Variants in CSMD3 observed in about 807,000 individuals in gnomAD.
The protein encoded by CSMD3 is CUB and sushi domain-containing protein 3.
Under a neutral mutation model 435.2 loss-of-function variants are expected in CSMD3, and 177 were observed. The observed-to-expected ratio is 0.41, with a 90% confidence interval of 0.36 to 0.46. The LOEUF (loss-of-function observed/expected upper bound fraction) is 0.46, where lower values mean the gene tolerates loss of function less well. Among genes scored for constraint, CSMD3 ranks in the 20% least tolerant of loss-of-function variants. CSMD3 has a pLI of 0.34. For missense variants in CSMD3, 4,265 were observed against 4,504.6 expected (o/e 0.95, Z 1.52); for synonymous variants, 1,656 against 1,520.5 (o/e 1.09, Z -2.07).
intron 1 of CSMD3, among the ~76,000 whole-genome samples, chr8:113,359,703 A>C (rs914701619): frequency 1.3e-5 from 2 of 152,222 alleles, no homozygotes; most frequent in Non-Finnish European, 2.9e-5. Flanking sequence ...GGTTGTTGCA[A>C]GCAATTATTT....
intron 27 of CSMD3, among the ~76,000 whole-genome samples, chr8:112,546,912 C>T (rs935503396): frequency 1.3e-5 from 2 of 152,174 alleles, no homozygotes; most frequent in African/African-American, 4.8e-5. Context: ...CTGTGGCCTA[C>T]ATTTCTGTTA....
At chr8:113,281,167 A>G (rs1403770095) in intron 2 of CSMD3, among the ~76,000 whole-genome samples, 1 of 151,850 alleles carries the variant, frequency 6.6e-6, no homozygotes, top group Non-Finnish European at 1.5e-5. Flanking sequence ...AATGTGCTGT[A>G]TATCTATCTG....
chr8:112,289,172 C>A (rs1292000053), intron 57 of CSMD3, among the ~76,000 whole-genome samples, 193 bp downstream of exon 57: 1 of 152,070 alleles, frequency 6.6e-6, no homozygotes, highest in Non-Finnish European at 1.5e-5. Flanking sequence ...TCATCTACAA[C>A]ATCAGTACCC....
Position 112,656,355 on chromosome 8 carries a change from A to G in CSMD3, c.2817-14T>C. 1 of 1,590,212 alleles carries G rather than the reference A, an allele frequency of 6.3e-7. No homozygotes were observed. Among genetic ancestry groups the G allele is most frequent in the Middle Eastern group, 1.7e-4 (1 of 6,002 alleles). On this transcript the variant is annotated splice_polypyrimidine_tract_variant and intron_variant, in intron 17 of 70. Transcript: ENST00000297405. ...TCAGTCTGAAATCTAAGATTAAAAG[A>G]CACATGTGAAAATATATTTAGAATT...
chr8:112,234,174 A>G (rs1237553794), intron 68 of CSMD3, among the ~76,000 whole-genome samples, 191 bp downstream of exon 68: 1 of 151,612 alleles, frequency 6.6e-6, no homozygotes, highest in Non-Finnish European at 1.5e-5. Flanking sequence ...ACACACGACA[A>G]AAGTAAGCAA....
At position 113,008,831 on chromosome 8, in the gene CSMD3, CTATT is replaced by C. The variant is rs1418736909; in HGVS notation, c.1030+10232_1030+10235del. Among the ~76,000 whole-genome samples the C allele has an allele frequency of 6.0e-5, 9 of 150,938 alleles. No individual in the cohort carries two copies. In the Admixed American group the frequency reaches 6.0e-4, roughly 10 times the overall value. On this transcript the variant is annotated intron_variant, in intron 6 of 70. Coordinates refer to ENST00000297405, the MANE Select transcript of CSMD3 (RefSeq NM_198123.2). ...GAAGTAAATCATAATTGCTAACAAC[CTATT>C]TATTATATTAATTATAAGTTTTCTT...
At chr8:112,822,427 G>A (rs1291050315) in intron 12 of CSMD3, among the ~76,000 whole-genome samples, 2 of 152,050 alleles carry the variant, frequency 1.3e-5, no homozygotes, top group Admixed American at 6.6e-5. Flanking sequence ...GTAAACTGGA[G>A]TTCACTCATC....
chr8:112,652,214 G>A (rs2075145018), intron 18 of CSMD3, among the ~76,000 whole-genome samples: 1 of 152,054 alleles, frequency 6.6e-6, no homozygotes, highest in African/African-American at 2.4e-5. Flanking sequence ...ATATCAATCA[G>A]ATAAGTCTCC....
chr8:112,346,284 A>T, intron 40 of CSMD3, 71 bp from the exon 41 acceptor site: 1 of 966,962 alleles, frequency 1.0e-6, no homozygotes, highest in Non-Finnish European at 1.7e-6. Flanking sequence ...AACATATTAA[A>T]ATCATTTCAC....
chr8:112,839,655 AG>A (rs1413800036), intron 11 of CSMD3, among the ~76,000 whole-genome samples: 6 of 151,666 alleles, frequency 4.0e-5, no homozygotes, highest in African/African-American at 1.5e-4. Context: ...TTTGTTAAGA[AG>A]GGCTCTTTTT....
chr8:113,081,386 T>A (rs1305296919), intron 5 of CSMD3, among the ~76,000 whole-genome samples: 1 of 152,114 alleles, frequency 6.6e-6, no homozygotes, highest in Admixed American at 6.5e-5. Flanking sequence ...ACCAGAATCA[T>A]CAAATGGTTT....
At chr8:112,472,875 A>C (rs2130756472) in intron 31 of CSMD3, among the ~76,000 whole-genome samples, 168 bp from the exon 32 acceptor site, 1 of 152,334 alleles carries the variant, frequency 6.6e-6, no homozygotes, top group South Asian at 2.1e-4. Flanking sequence ...AAAATAAAAA[A>C]GTGTACAAAC....
At chr8:113,138,810 A>AGTGTGTGTGTGTGTGT (rs34755068) in intron 4 of CSMD3, among the ~76,000 whole-genome samples, 70 of 145,738 alleles carry the variant, frequency 4.8e-4, no homozygotes, top group African/African-American at 1.6e-3. Flanking sequence ...TAAACGTGTT[A>AGTGTGTGTGTGTGTGT]GTGTGTGTGT....
intron 5 of CSMD3, among the ~76,000 whole-genome samples, chr8:113,024,416 TAGG>T (rs1179722336): frequency 6.6e-6 from 1 of 151,190 alleles, no homozygotes; most frequent in Non-Finnish European, 1.5e-5. Context: ...GCAATAAAAA[TAGG>T]AGTTCATATA....
chr8:113,341,418 C>G (rs1286031669), intron 1 of CSMD3, among the ~76,000 whole-genome samples: 1 of 152,022 alleles, frequency 6.6e-6, no homozygotes, highest in East Asian at 1.9e-4. Flanking sequence ...CAGGCAAAAC[C>G]AATTGATAGA....
At chr8:112,933,699 A>G (rs1486460883) in intron 9 of CSMD3, among the ~76,000 whole-genome samples, 1 of 152,202 alleles carries the variant, frequency 6.6e-6, no homozygotes, top group African/African-American at 2.4e-5. Context: ...AAGAACTCTC[A>G]TTATTTTACA....
At chr8:112,573,737 G>C (rs2131303103) in intron 23 of CSMD3, 80 bp from the exon 24 acceptor site, 4 of 1,164,556 alleles carry the variant, frequency 3.4e-6, no homozygotes, top group Non-Finnish European at 5.0e-6. Context: ...CTATGAAAAA[G>C]AGAAAAGTGT....
chr8:112,413,731 C>G (rs1365325009), intron 32 of CSMD3, among the ~76,000 whole-genome samples: 1 of 152,146 alleles, frequency 6.6e-6, no homozygotes, highest in African/African-American at 2.4e-5. Flanking sequence ...CCCTTTTCCA[C>G]TAAACTCTAA....
At chr8:112,804,660 ATTTT>A (rs2079038005) in intron 12 of CSMD3, among the ~76,000 whole-genome samples, 2 of 6,160 alleles carry the variant, frequency 3.2e-4, no homozygotes, top group African/African-American at 8.4e-4. Flanking sequence ...CATTTATTTT[ATTTT>A]ATTTTATTTT....
Sources: allele counts gnomAD v4.1 joint callset (sites outside exome capture counted in the v4.1 genomes callset), GRCh38; gene constraint gnomAD v4.1.1; transcripts MANE v1.5; gene names NCBI Gene and HGNC (gene_info 2026-07-23, HGNC 2026-07-21).